UBE2Q2: variants seen among roughly 807,000 people sequenced by gnomAD.
The protein encoded by UBE2Q2 is ubiquitin-conjugating enzyme E2 Q2.
UBE2Q2 carries 54 observed loss-of-function variants against 59.9 expected under a neutral mutation model. That is an observed-to-expected ratio of 0.90 (90% CI 0.72 to 1.13). The LOEUF (loss-of-function observed/expected upper bound fraction) is 1.13. Ranked by LOEUF, UBE2Q2 falls within the 50% of genes most tolerant of loss-of-function variation. The pLI is 0.00. For missense variants in UBE2Q2, 433 were observed against 441.9 expected (o/e 0.98, Z 0.18); for synonymous variants, 165 against 155.2 (o/e 1.06, Z -0.47).
At chr15:75,858,391 G>A (rs1409633244) in intron 2 of UBE2Q2, among the ~76,000 whole-genome samples, 1 of 152,106 alleles carries the variant, frequency 6.6e-6, no homozygotes, top group African/African-American at 2.4e-5. Context: ...TTGTGAGTGG[G>A]ACAAAATGAA....
chr15:75,858,514 CCTT>C (rs2141570134), intron 2 of UBE2Q2, among the ~76,000 whole-genome samples: 1 of 152,174 alleles, frequency 6.6e-6, no homozygotes, highest in African/African-American at 2.4e-5. Flanking sequence ...TAAGACCTGT[CCTT>C]CTGAATGTCT....
At chr15:75,874,947 C>A (rs1897995889) in intron 5 of UBE2Q2, among the ~76,000 whole-genome samples, 1 of 152,188 alleles carries the variant, frequency 6.6e-6, no homozygotes, top group Non-Finnish European at 1.5e-5. Flanking sequence ...GTAGATTACT[C>A]TCCCTCCTTC....
intron 6 of UBE2Q2, among the ~76,000 whole-genome samples, chr15:75,876,543 A>G (rs370189924): frequency 1.2e-3 from 189 of 152,262 alleles, no homozygotes; most frequent in Admixed American, 3.2e-3. Flanking sequence ...CATGATTTTT[A>G]TCTTCTGGGG....
chr15:75,856,351 A>G (rs1362555428), intron 2 of UBE2Q2, among the ~76,000 whole-genome samples: 1 of 151,290 alleles, frequency 6.6e-6, no homozygotes. Context: ...AAATGACTCT[A>G]ACATTTGTTT....
At chr15:75,877,627 A>T (rs1048989067) in intron 6 of UBE2Q2, among the ~76,000 whole-genome samples, 2 of 152,236 alleles carry the variant, frequency 1.3e-5, no homozygotes, top group African/African-American at 4.8e-5. Context: ...ATAAAACAAC[A>T]TACGTAGAAG....
intron 9 of UBE2Q2, 55 bp downstream of exon 9, chr15:75,883,479 T>C (rs1898565703): frequency 2.1e-6 from 3 of 1,413,192 alleles, no homozygotes; most frequent in Non-Finnish European, 3.0e-6. Flanking sequence ...AAAAATTTTT[T>C]TTTATAGGGA....
chr15:75,888,610 T>G (rs1006149931), intron 9 of UBE2Q2, among the ~76,000 whole-genome samples: 6 of 152,104 alleles, frequency 3.9e-5, no homozygotes. Context: ...CAGTAAGAAT[T>G]TGGAACACTT....
intron 2 of UBE2Q2, among the ~76,000 whole-genome samples, chr15:75,856,956 G>T (rs891715897): frequency 3.3e-5 from 5 of 150,664 alleles, no homozygotes; most frequent in African/African-American, 7.3e-5. Flanking sequence ...AAAAAAAAAA[G>T]ATATTTTAAG....
In UBE2Q2 at chr15:75,899,311, C is replaced by T. The variant is rs867877273; in HGVS notation, c.1097-116C>T. 1.1e-4 allele frequency: 39 copies of T among 351,554 alleles called. 1 individual carries two copies. Among genetic ancestry groups the T allele is most frequent in the Admixed American group, 1.1e-3 (21 of 19,110 alleles). The allele number at this position is 351,554 out of a possible 1,614,324, so 21.8% of individuals were successfully genotyped here. On this transcript the variant is annotated intron_variant, in intron 12 of 12. Transcript: ENST00000267938. ...ATATAATATATATATATATTTTTTACGGTAGATTTTAAACACCAAAATTAT... is the reference window on the plus strand; with the variant it reads ...ATATAATATATATATATATTTTTTATGGTAGATTTTAAACACCAAAATTAT...
chr15:75,844,265 T>C, intron 1 of UBE2Q2: 1 of 1,527,348 alleles, frequency 6.5e-7, no homozygotes, highest in Non-Finnish European at 8.8e-7. Context: ...GGCCCTTAAG[T>C]TTTAACGCCT....
In UBE2Q2 at chr15:75,900,361, C is replaced by G. The variant is rs991479716; in HGVS notation, c.*903C>G. 1 of 152,572 alleles carries G rather than the reference C, an allele frequency of 6.6e-6. No individual in the cohort carries two copies. The highest frequency in any genetic ancestry group is 1.5e-5 in the Non-Finnish European group (1 of 68,030). The allele number at this position is 152,572 out of a possible 1,614,324, so 9.5% of individuals were successfully genotyped here. ...AAGATACTTAATTTGGAGACTCTTA[C>G]AGTAATTTTTGCCATGTCAAAACAA... On this transcript the variant is annotated 3_prime_UTR_variant, in exon 13 of 13. Transcript: ENST00000267938.
At chr15:75,891,049 A>G in intron 11 of UBE2Q2, 35 bp downstream of exon 11, 3 of 1,473,052 alleles carry the variant, frequency 2.0e-6, no homozygotes, top group East Asian at 2.3e-5. Flanking sequence ...AAACCATAAG[A>G]TACATTTTAT....
intron 2 of UBE2Q2, 64 bp from the exon 3 acceptor site, chr15:75,859,809 TCATAA>T (rs1897117447): frequency 9.0e-7 from 1 of 1,112,380 alleles, no homozygotes; most frequent in African/African-American, 1.6e-5. Context: ...ATTACAGTAG[TCATAA>T]CATTATTGAT....
chr15:75,886,346 C>T (rs1168827798), intron 9 of UBE2Q2, among the ~76,000 whole-genome samples: 1 of 151,988 alleles, frequency 6.6e-6, no homozygotes, highest in African/African-American at 2.4e-5. Flanking sequence ...TCTCAAACTC[C>T]TGGCCTGAAG....
At chr15:75,850,386 A>G (rs891898123) in intron 1 of UBE2Q2, among the ~76,000 whole-genome samples, 3 of 152,178 alleles carry the variant, frequency 2.0e-5, no homozygotes, top group African/African-American at 7.2e-5. Context: ...ACTCAACAAT[A>G]TTGTAGATCC....
chr15:75,873,301 C>A, intron 4 of UBE2Q2, 127 bp from the exon 5 acceptor site: 1 of 856,474 alleles, frequency 1.2e-6, no homozygotes, highest in Non-Finnish European at 1.8e-6. Context: ...TTCTCTCTCC[C>A]TATAGGATAG....
At chr15:75,866,487 G>C (rs1595872625) in intron 3 of UBE2Q2, among the ~76,000 whole-genome samples, 1 of 152,110 alleles carries the variant, frequency 6.6e-6, no homozygotes, top group Non-Finnish European at 1.5e-5. Flanking sequence ...GTATTCCTAT[G>C]GGGCTTTCAG....
In UBE2Q2 at chr15:75,868,246, A is replaced by G. The variant is rs77360543; in HGVS notation, c.388-705A>G. 5.2e-3 allele frequency among the ~76,000 whole-genome samples: 790 copies of G among 152,318 alleles called. 4 individuals carry two copies. Among genetic ancestry groups the G allele is most frequent in the South Asian group, 0.018 (88 of 4,824 alleles). ...CCTTCATGGTTAAAGATGCATGTAT[A>G]AACAGTGTCCTGGCGAGGGCTTACC... On this transcript the variant is annotated intron_variant, in intron 3 of 12. Coordinates refer to ENST00000267938, the MANE Select transcript of UBE2Q2 (RefSeq NM_173469.4).
intron 2 of UBE2Q2, among the ~76,000 whole-genome samples, chr15:75,858,524 GTC>G (rs1358014400): frequency 6.6e-6 from 1 of 151,930 alleles, no homozygotes; most frequent in Non-Finnish European, 1.5e-5. Context: ...CCTTCTGAAT[GTC>G]TCTTACTATT....
Sources: allele counts gnomAD v4.1 joint callset (sites outside exome capture counted in the v4.1 genomes callset), GRCh38; gene constraint gnomAD v4.1.1; transcripts MANE v1.5; gene names NCBI Gene and HGNC (gene_info 2026-07-23, HGNC 2026-07-21).